Variants in ARHGAP6 observed in about 807,000 individuals in gnomAD.
ARHGAP6 encodes the protein Rho GTPase activating protein 6.
Under a neutral mutation model 55.7 loss-of-function variants are expected in ARHGAP6, and 16 were observed. The observed-to-expected ratio is 0.29, with a 90% CI of 0.19 to 0.44. The LOEUF (loss-of-function observed/expected upper bound fraction) is 0.44. Among genes scored for constraint, ARHGAP6 ranks in the 20% least tolerant of loss-of-function variants. The probability of loss-of-function intolerance (pLI) is 1.00; values close to 1 mark genes in which losing one functional copy is unlikely to be tolerated. For synonymous variants in ARHGAP6, 382 were observed against 360.9 expected, an observed-to-expected ratio of 1.06 and a Z score of -0.66; for missense variants, 698 against 808.9, an observed-to-expected ratio of 0.86 and a Z score of 1.66.
intron 2 of ARHGAP6, among the ~76,000 whole-genome samples, chrX:11,224,728 G>T (rs763833417): frequency 1.8e-5 from 2 of 110,483 alleles, no homozygotes; most frequent in East Asian, 5.7e-4. Context: ...AGCACATGGG[G>T]GTGGGCATTG....
At chrX:11,279,719 A>T (rs2047828965) in intron 1 of ARHGAP6, among the ~76,000 whole-genome samples, 1 of 110,643 alleles carries the variant, frequency 9.0e-6, no homozygotes, top group African/African-American at 3.3e-5. Context: ...TTCGACACTT[A>T]TTTTTTTGCC....
chrX:11,401,800 G>C (rs957020106), intron 1 of ARHGAP6, among the ~76,000 whole-genome samples: 7 of 112,348 alleles, frequency 6.2e-5, no homozygotes, highest in African/African-American at 2.3e-4. Context: ...CTCAGCAAAT[G>C]TTTGTTAGCT....
intron 1 of ARHGAP6, among the ~76,000 whole-genome samples, chrX:11,635,078 T>C (rs1243301882): frequency 8.9e-6 from 1 of 112,341 alleles, no homozygotes; most frequent in Non-Finnish European, 1.9e-5. Flanking sequence ...TGTGGACCTC[T>C]CCAGTATGAC....
chrX:11,581,188 A>G (rs1205466351), intron 1 of ARHGAP6, among the ~76,000 whole-genome samples: 1 of 112,627 alleles, frequency 8.9e-6, no homozygotes, highest in African/African-American at 3.2e-5. Context: ...GATGGTCTAC[A>G]TCACTAGTTG....
intron 1 of ARHGAP6, among the ~76,000 whole-genome samples, chrX:11,552,597 T>C (rs866327109): frequency 1.5e-3 from 91 of 59,939 alleles, no homozygotes; most frequent in African/African-American, 4.2e-3. Context: ...TATATATATA[T>C]ATAGACACAC....
rs73500888 is a variant in ARHGAP6, at chrX:11,468,648, A to C, written c.588+195593T>G. 6.7e-3 allele frequency among the ~76,000 whole-genome samples: 756 copies of C among 112,785 alleles called. 7 individuals carry two copies. The highest frequency in any genetic ancestry group is 0.023 in the African/African-American group (710 of 31,126). ...TCTGTTTAGTAGCAGAAGTACTTAAAATATCTGAAATGACTTCTAGAAAAC... is the reference window on the plus strand; with the variant it reads ...TCTGTTTAGTAGCAGAAGTACTTAACATATCTGAAATGACTTCTAGAAAAC... On this transcript the variant is annotated intron_variant, in intron 1 of 12. Transcript: ENST00000337414.
chrX:11,164,336 A>G (rs921350474), intron 9 of ARHGAP6, among the ~76,000 whole-genome samples: 5 of 112,023 alleles, frequency 4.5e-5, no homozygotes, highest in African/African-American at 1.6e-4. Flanking sequence ...ACAAGCCAAT[A>G]ATGTACGTAA....
At chrX:11,614,059 T>C (rs1344054594) in intron 1 of ARHGAP6, among the ~76,000 whole-genome samples, 2 of 110,855 alleles carry the variant, frequency 1.8e-5, no homozygotes, top group African/African-American at 6.6e-5. Flanking sequence ...CACCACCCAC[T>C]TCTCTATATG....
At chrX:11,570,304 C>A (rs1189518366) in intron 1 of ARHGAP6, among the ~76,000 whole-genome samples, 1 of 111,630 alleles carries the variant, frequency 9.0e-6, no homozygotes, top group Non-Finnish European at 1.9e-5. Flanking sequence ...AAAATGAGAT[C>A]ATGGCATGAT....
At chrX:11,536,696 T>C (rs1046803816) in intron 1 of ARHGAP6, among the ~76,000 whole-genome samples, 1 of 112,359 alleles carries the variant, frequency 8.9e-6, no homozygotes, top group Non-Finnish European at 1.9e-5. Context: ...TATGAAAATA[T>C]GCACAAAAAC....
chrX:11,495,691 C>T (rs1410680362), intron 1 of ARHGAP6, among the ~76,000 whole-genome samples: 2 of 111,681 alleles, frequency 1.8e-5, no homozygotes, highest in African/African-American at 3.3e-5. Flanking sequence ...GTATTTATGC[C>T]CCTACCCAAT....
chrX:11,234,167 T>C (rs1350762866), intron 2 of ARHGAP6, among the ~76,000 whole-genome samples: 1 of 112,524 alleles, frequency 8.9e-6, no homozygotes, highest in Non-Finnish European at 1.9e-5. Flanking sequence ...GAAGAGCTTG[T>C]AGTTCTGAGT....
chrX:11,639,268 T>C (rs1307329400), intron 1 of ARHGAP6, among the ~76,000 whole-genome samples: 2 of 111,341 alleles, frequency 1.8e-5, no homozygotes, highest in Non-Finnish European at 3.8e-5. Flanking sequence ...AATGTGCAGG[T>C]TTGTTACATA....
At chrX:11,259,391 C>T (rs1211949587) in intron 1 of ARHGAP6, among the ~76,000 whole-genome samples, 2 of 111,244 alleles carry the variant, frequency 1.8e-5, no homozygotes, top group African/African-American at 6.5e-5. Flanking sequence ...ATTTTTTTTC[C>T]TGAAGTTCCC....
At chrX:11,194,978 C>G (rs781707507) in intron 3 of ARHGAP6, among the ~76,000 whole-genome samples, 1 of 112,230 alleles carries the variant, frequency 8.9e-6, no homozygotes, top group African/African-American at 3.2e-5. Context: ...TGTTCTCATT[C>G]AAGACTCGTT....
intron 1 of ARHGAP6, among the ~76,000 whole-genome samples, chrX:11,655,675 T>C (rs903109647): frequency 8.9e-6 from 1 of 112,392 alleles, no homozygotes. Context: ...AATTTCATTT[T>C]TTCACACATT....
At chrX:11,362,886 G>T (rs1196759541) in intron 1 of ARHGAP6, among the ~76,000 whole-genome samples, 1 of 111,050 alleles carries the variant, frequency 9.0e-6, no homozygotes, top group Non-Finnish European at 1.9e-5. Flanking sequence ...GATAAAATTT[G>T]CCTTTGAATT....
At chrX:11,423,628 C>T in intron 1 of ARHGAP6, among the ~76,000 whole-genome samples, 1 of 112,615 alleles carries the variant, frequency 8.9e-6, no homozygotes, top group Non-Finnish European at 1.9e-5. Flanking sequence ...GTCTCAACTA[C>T]TAGATTCATG....
At chrX:11,382,602 A>T (rs2049275219) in intron 1 of ARHGAP6, among the ~76,000 whole-genome samples, 1 of 111,780 alleles carries the variant, frequency 8.9e-6, no homozygotes, top group South Asian at 3.7e-4. Flanking sequence ...TTTTACAATG[A>T]GTGCATGTTA....
Sources: allele counts gnomAD v4.1 joint callset (sites outside exome capture counted in the v4.1 genomes callset), GRCh38; gene constraint gnomAD v4.1.1; transcripts MANE v1.5; gene names NCBI Gene and HGNC (gene_info 2026-07-23, HGNC 2026-07-21).